The following CADPS variants were observed in gnomAD, a reference collection of about 807,000 sequenced individuals.
CADPS encodes the protein calcium dependent secretion activator.
In CADPS, 57 loss-of-function variants were observed where a neutral mutation model predicts 167.3. The observed-to-expected ratio is 0.34, with a 90% confidence interval of 0.28 to 0.42. The LOEUF is 0.42. Among genes scored for constraint, CADPS ranks in the 20% least tolerant of loss-of-function variants. The probability of loss-of-function intolerance (pLI) is 1.00; values close to 1 mark genes in which losing one functional copy is unlikely to be tolerated. For missense variants in CADPS, 1,414 were observed against 1,738.1 expected (o/e 0.81, Z 3.32); for synonymous variants, 676 against 635.3 (o/e 1.06, Z -0.96).
chr3:62,683,336 A>G (rs1024231475), intron 3 of CADPS, among the ~76,000 whole-genome samples: 2 of 152,026 alleles, frequency 1.3e-5, no homozygotes, highest in African/African-American at 2.4e-5. Context: ...GCTATTGCCA[A>G]TGGTGGCCAA....
chr3:62,593,547 T>G (rs144186651), intron 6 of CADPS, among the ~76,000 whole-genome samples: 1 of 152,220 alleles, frequency 6.6e-6, no homozygotes, highest in East Asian at 1.9e-4. Context: ...TGGATTGCAC[T>G]GAGCCCCAGG....
chr3:62,578,310 T>C (rs944966862), intron 8 of CADPS, among the ~76,000 whole-genome samples: 3 of 151,456 alleles, frequency 2.0e-5, no homozygotes, highest in Non-Finnish European at 4.4e-5. Flanking sequence ...AAGGAGTAAG[T>C]CAATCAAGAA....
intron 6 of CADPS, among the ~76,000 whole-genome samples, chr3:62,627,820 C>T (rs1014689409): frequency 1.1e-4 from 16 of 152,164 alleles, no homozygotes; most frequent in Middle Eastern, 3.4e-3. Context: ...CTGATGCTTC[C>T]AAAACCAATG....
intron 1 of CADPS, among the ~76,000 whole-genome samples, chr3:62,859,280 T>G (rs2080303525): frequency 6.6e-6 from 1 of 152,202 alleles, no homozygotes; most frequent in East Asian, 1.9e-4. Context: ...ATTTAACTTA[T>G]GCTGCAGCAG....
intron 8 of CADPS, among the ~76,000 whole-genome samples, chr3:62,571,739 T>A (rs1317683086): frequency 6.6e-6 from 1 of 152,080 alleles, no homozygotes; most frequent in East Asian, 1.9e-4. Flanking sequence ...TAATTTTGTA[T>A]TTTTGATAGA....
chr3:62,490,674 G>C (rs1198069904), intron 21 of CADPS, among the ~76,000 whole-genome samples: 1 of 152,168 alleles, frequency 6.6e-6, no homozygotes, highest in Admixed American at 6.5e-5. Context: ...GGGTTAAACA[G>C]AGTTACACAA....
intron 3 of CADPS, among the ~76,000 whole-genome samples, chr3:62,681,307 A>T (rs1443584770): frequency 6.6e-6 from 1 of 151,982 alleles, no homozygotes; most frequent in Non-Finnish European, 1.5e-5. Flanking sequence ...CACAGAACCC[A>T]GGTTAGTTTG....
chr3:62,544,866 G>A lies in CADPS; in HGVS notation c.1966+5037C>T. ...CACTTACCCTTCAGTCCAGCTAGAA[G>A]TTAGCAGGGTAAGAAGGAACAAACC... On this transcript the variant is annotated intron_variant, in intron 11 of 29. Coordinates refer to ENST00000383710, the MANE Select transcript of CADPS (RefSeq NM_003716.4). The surrounding 1 kb of genome is among the most constrained non-coding windows in gnomAD (Gnocchi z 4.4). 8.0e-7 allele frequency: 1 copy of A among 1,246,340 alleles called. No homozygotes were observed. Among genetic ancestry groups the A allele is most frequent in the Non-Finnish European group, 1.0e-6 (1 of 968,044 alleles). 77.2% of individuals were successfully genotyped at this position (1,246,340 alleles called of 1,614,324 possible).
intron 11 of CADPS, among the ~76,000 whole-genome samples, chr3:62,540,091 TTTAGTGTTTGAAAAGCCA>T (rs1471689602): frequency 6.6e-6 from 1 of 152,160 alleles, no homozygotes; most frequent in African/African-American, 2.4e-5. Context: ...AAACAGGATC[TTTAGTGTTTGAAAAGCCA>T]GTTTGTTTCA....
chr3:62,865,130 C>T (rs1042936325), intron 1 of CADPS, among the ~76,000 whole-genome samples: 9 of 152,132 alleles, frequency 5.9e-5, no homozygotes, highest in Admixed American at 2.6e-4. Flanking sequence ...TGTAGATGTT[C>T]AGGATATACT....
intron 8 of CADPS, among the ~76,000 whole-genome samples, chr3:62,584,569 A>G (rs2084163260): frequency 6.6e-6 from 1 of 152,208 alleles, no homozygotes; most frequent in Non-Finnish European, 1.5e-5. Context: ...GGCTCAGCAT[A>G]TACTCAGTCA....
intron 3 of CADPS, among the ~76,000 whole-genome samples, chr3:62,710,009 T>C (rs2083087884): frequency 6.6e-6 from 1 of 152,072 alleles, no homozygotes; most frequent in African/African-American, 2.4e-5. Context: ...TCAAGTGATC[T>C]GCCCACCTCG....
chr3:62,561,535 G>T (rs1000875683), intron 9 of CADPS, among the ~76,000 whole-genome samples: 1 of 151,902 alleles, frequency 6.6e-6, no homozygotes. Flanking sequence ...CTCCCAAAGT[G>T]CTGGGATTAC....
chr3:62,859,400 C>G (rs562423928), intron 1 of CADPS, among the ~76,000 whole-genome samples: 1 of 152,086 alleles, frequency 6.6e-6, no homozygotes, highest in Non-Finnish European at 1.5e-5. Context: ...CATGGCCTTC[C>G]GACTCAAATA....
intron 3 of CADPS, among the ~76,000 whole-genome samples, chr3:62,730,505 G>T (rs2077563843): frequency 6.6e-6 from 1 of 152,124 alleles, no homozygotes; most frequent in Non-Finnish European, 1.5e-5. Context: ...AATATAGCTG[G>T]AGTGGCAGGT....
chr3:62,425,203 C>T (rs955965085), intron 28 of CADPS, among the ~76,000 whole-genome samples: 1 of 152,148 alleles, frequency 6.6e-6, no homozygotes, highest in African/African-American at 2.4e-5. Context: ...TATCTTTTAT[C>T]CTTAGAGTCA....
intron 11 of CADPS, among the ~76,000 whole-genome samples, 173 bp downstream of exon 11, chr3:62,549,730 A>T (rs1175463226): frequency 6.6e-6 from 1 of 152,114 alleles, no homozygotes; most frequent in Non-Finnish European, 1.5e-5. Flanking sequence ...TTGCACTTTA[A>T]AATTACTTTC....
intron 11 of CADPS, among the ~76,000 whole-genome samples, chr3:62,547,399 C>A (rs566303034): frequency 6.6e-6 from 1 of 152,028 alleles, no homozygotes; most frequent in South Asian, 2.1e-4. Context: ...CTTTTAGAAC[C>A]TGGTAGATGT....
At chr3:62,494,730 C>T (rs936493978) in intron 18 of CADPS, among the ~76,000 whole-genome samples, 7 of 134,784 alleles carry the variant, frequency 5.2e-5, no homozygotes, top group Admixed American at 2.6e-4. Flanking sequence ...TGCAATGGTG[C>T]GATCTTGGCT....
Sources: allele counts gnomAD v4.1 joint callset (sites outside exome capture counted in the v4.1 genomes callset), GRCh38; gene constraint gnomAD v4.1.1; non-coding constraint Gnocchi (gnomAD v3.1); transcripts MANE v1.5; gene names NCBI Gene and HGNC (gene_info 2026-07-23, HGNC 2026-07-21).